C12orf54: variants seen among roughly 807,000 people sequenced by gnomAD.
C12orf54 encodes uncharacterized protein C12orf54.
Under a neutral mutation model 26.4 loss-of-function variants are expected in C12orf54, and 24 were observed. That is an observed-to-expected ratio of 0.91 (90% CI 0.66 to 1.28). C12orf54 has a LOEUF of 1.28. Ranked by LOEUF, C12orf54 falls within the 50% of genes most tolerant of loss-of-function variation. The pLI is 0.00. For missense variants in C12orf54, 154 were observed against 150.9 expected, an observed-to-expected ratio of 1.02 and a Z score of -0.11; for synonymous variants, 54 against 47.0, an observed-to-expected ratio of 1.15 and a Z score of -0.61.
At chr12:48,496,101 G>A (rs894161595) in intron 8 of C12orf54, 80 bp from the exon 9 acceptor site, 4 of 152,244 alleles carry the variant, frequency 2.6e-5, no homozygotes, top group Non-Finnish European at 5.9e-5. Context: ...TACTCTCAGG[G>A]TCACCTGCCT....
chr12:48,450,258 A>T, the C12orf54 span, among the ~76,000 whole-genome samples: 1 of 152,236 alleles, frequency 6.6e-6, no homozygotes. Context: ...AAATTAAGGC[A>T]GAAATCAAGA....
chr12:48,489,882 C>T (rs7133203), intron 5 of C12orf54, among the ~76,000 whole-genome samples: 4,718 of 152,112 alleles, frequency 0.031, 97 homozygotes, highest in Middle Eastern at 0.075. Flanking sequence ...CCACCACGCC[C>T]GGCTAATTTC....
the C12orf54 span, among the ~76,000 whole-genome samples, chr12:48,435,906 T>A: frequency 6.6e-6 from 1 of 151,830 alleles, no homozygotes; most frequent in Non-Finnish European, 1.5e-5. Context: ...TCACAAATAA[T>A]AATAATAATG....
chr12:48,489,153 T>G, intron 5 of C12orf54, 197 bp downstream of exon 5: 2 of 747,504 alleles, frequency 2.7e-6, no homozygotes, highest in Non-Finnish European at 4.9e-6. Context: ...AACAGTTCCC[T>G]TGAGGAAATG....
At chr12:48,433,136 T>C in the C12orf54 span, among the ~76,000 whole-genome samples, 1 of 152,150 alleles carries the variant, frequency 6.6e-6, no homozygotes, top group Non-Finnish European at 1.5e-5. Flanking sequence ...GCAAAATTTA[T>C]GTGTGACCTT....
chr12:48,468,170 G>C, the C12orf54 span, among the ~76,000 whole-genome samples: 9 of 152,108 alleles, frequency 5.9e-5, no homozygotes, highest in Middle Eastern at 3.2e-3. Context: ...TGTCCAGTGG[G>C]GATTTAAAAA....
chr12:48,458,778 C>A, the C12orf54 span, among the ~76,000 whole-genome samples: 3 of 151,328 alleles, frequency 2.0e-5, no homozygotes. Context: ...CCTGATGGTA[C>A]CTCACTTCCT....
chr12:48,440,593 G>A, the C12orf54 span, among the ~76,000 whole-genome samples: 2 of 152,212 alleles, frequency 1.3e-5, no homozygotes, highest in Admixed American at 1.3e-4. Flanking sequence ...CCAAGCGGCA[G>A]AGCTACTTGT....
chr12:48,419,616 A>G, the C12orf54 span, among the ~76,000 whole-genome samples: 21 of 152,300 alleles, frequency 1.4e-4, no homozygotes, highest in Non-Finnish European at 2.6e-4. Flanking sequence ...TGACCCCACT[A>G]TGAGAGCAGA....
At chr12:48,471,728 CT>C in the C12orf54 span, among the ~76,000 whole-genome samples, 2 of 152,102 alleles carry the variant, frequency 1.3e-5, no homozygotes, top group Admixed American at 1.3e-4. Context: ...CGATACCATG[CT>C]GTTTTGGTTA....
At chr12:48,441,031 G>T in the C12orf54 span, among the ~76,000 whole-genome samples, 1 of 152,134 alleles carries the variant, frequency 6.6e-6, no homozygotes, top group Non-Finnish European at 1.5e-5. Flanking sequence ...CTAACACCAC[G>T]ATTTATCTCC....
At chr12:48,474,248 T>G in the C12orf54 span, among the ~76,000 whole-genome samples, 1 of 152,204 alleles carries the variant, frequency 6.6e-6, no homozygotes, top group African/African-American at 2.4e-5. Context: ...AACAATTTTA[T>G]GGAGCCAGGT....
rs1937909551 is a variant in C12orf54 at position 48,496,200 on chromosome 12, G to T, written c.*60G>T. ...CTACAGCACAGCTTCAGTTGGGGAAGATATTAGCAGACATCATCACTGAAC... is the reference window on the plus strand; with the variant it reads ...CTACAGCACAGCTTCAGTTGGGGAATATATTAGCAGACATCATCACTGAAC... On this transcript the variant is annotated 3_prime_UTR_variant, in exon 9 of 9. Transcript: ENST00000548364. The T allele has an allele frequency of 6.6e-6, 1 of 152,558 alleles. No homozygotes were observed. Among genetic ancestry groups the T allele is most frequent in the African/African-American group, 2.4e-5 (1 of 41,560 alleles). The allele number at this position is 152,558 out of a possible 1,614,324, so 9.5% of individuals were successfully genotyped here.
chr12:48,489,790 T>C (rs1937746019), intron 5 of C12orf54, among the ~76,000 whole-genome samples: 2 of 151,570 alleles, frequency 1.3e-5, no homozygotes, highest in Admixed American at 1.3e-4. Context: ...AGCACGATCT[T>C]GGCTCACCAC....
chr12:48,437,842 C>A, the C12orf54 span, among the ~76,000 whole-genome samples: 1 of 152,062 alleles, frequency 6.6e-6, no homozygotes, highest in Non-Finnish European at 1.5e-5. Context: ...AAAACTGGCA[C>A]AAGACAGGGA....
rs1419647579 is a variant in C12orf54, at chr12:48,496,495, C to T, written c.*355C>T. 1 of 152,630 alleles carries T rather than the reference C, an allele frequency of 6.6e-6. No homozygotes were observed. Among genetic ancestry groups the T allele is most frequent in the Non-Finnish European group, 1.5e-5 (1 of 68,036 alleles). 9.5% of individuals were successfully genotyped at this position (152,630 alleles called of 1,614,324 possible). On this transcript the variant is annotated 3_prime_UTR_variant, in exon 9 of 9. Transcript: ENST00000548364. ...GCACTGTAGCATGGGAGAACCTGCA[C>T]TATAATGTCATAAACTCAATCTGAC...
the C12orf54 span, chr12:48,473,402 A>C: frequency 1.2e-5 from 10 of 807,898 alleles, no homozygotes; most frequent in Non-Finnish European, 1.6e-5. Flanking sequence ...ATGAGGGAGA[A>C]GACGATGCCT....
At chr12:48,480,916 C>T (rs970978814), upstream of C12orf54, among the ~76,000 whole-genome samples, 2 of 151,196 alleles carry the variant, frequency 1.3e-5, no homozygotes, top group African/African-American at 4.8e-5. Flanking sequence ...TTCTTTCCAA[C>T]AACATGGATG....
At chr12:48,448,367 A>T in the C12orf54 span, among the ~76,000 whole-genome samples, 1 of 152,176 alleles carries the variant, frequency 6.6e-6, no homozygotes, top group Non-Finnish European at 1.5e-5. Context: ...GTCTCTTGTT[A>T]TATGTGACAT....
Sources: gnomAD v4.1 joint callset for allele counts (sites outside exome capture counted in the v4.1 genomes callset) on GRCh38, gnomAD v4.1.1 for gene constraint, MANE v1.5 for transcripts, NCBI Gene and HGNC (gene_info 2026-07-23, HGNC 2026-07-21) for gene names.